Variants in SKAP2 observed in about 807,000 individuals in gnomAD.
SKAP2 encodes the protein src kinase-associated phosphoprotein 2.
SKAP2 carries 28 observed loss-of-function variants against 54.9 expected under a neutral mutation model. The ratio of observed to expected loss-of-function variants is 0.51; its 90% CI spans 0.38 to 0.70. The LOEUF (loss-of-function observed/expected upper bound fraction) is 0.70. Ranked by LOEUF, SKAP2 falls within the 30% of genes least tolerant of loss-of-function variation. The probability of loss-of-function intolerance (pLI) is 0.00; values close to 1 mark genes in which losing one functional copy is unlikely to be tolerated. For synonymous variants in SKAP2, 137 were observed against 134.3 expected (o/e 1.02, Z -0.14); for missense variants, 356 against 424.1 (o/e 0.84, Z 1.41).
chr7:26,766,133 CTGTCT>C (rs1477579154), intron 4 of SKAP2, among the ~76,000 whole-genome samples: 1 of 152,046 alleles, frequency 6.6e-6, no homozygotes, highest in Non-Finnish European at 1.5e-5. Flanking sequence ...TGTTTGTGTC[CTGTCT>C]TATTTCCTTG....
chr7:26,788,047 T>C (rs1243040227), intron 4 of SKAP2, among the ~76,000 whole-genome samples: 1 of 152,104 alleles, frequency 6.6e-6, no homozygotes, highest in Non-Finnish European at 1.5e-5. Flanking sequence ...CACCACCTCT[T>C]TTCAAACTCC....
chr7:26,742,651 T>C (rs1404832472), intron 4 of SKAP2, among the ~76,000 whole-genome samples: 1 of 152,190 alleles, frequency 6.6e-6, no homozygotes, highest in African/African-American at 2.4e-5. Context: ...TTTTTTTAAC[T>C]GAAATTTCAT....
chr7:26,666,206 CTGATT>C (rs2128082195), downstream of SKAP2, among the ~76,000 whole-genome samples: 1 of 152,190 alleles, frequency 6.6e-6, no homozygotes, highest in African/African-American at 2.4e-5. Flanking sequence ...ATACAAATGA[CTGATT>C]TATCTGAAAT....
intron 4 of SKAP2, among the ~76,000 whole-genome samples, chr7:26,777,498 C>A (rs1384759965): frequency 6.6e-6 from 1 of 152,034 alleles, no homozygotes; most frequent in Non-Finnish European, 1.5e-5. Context: ...TAGTTTTAAT[C>A]TTCTGTCAAT....
chr7:26,731,369 CTACAACT>C (rs1696097611), intron 6 of SKAP2, among the ~76,000 whole-genome samples: 2 of 152,204 alleles, frequency 1.3e-5, no homozygotes, highest in Admixed American at 1.3e-4. Flanking sequence ...GCATTTCGTC[CTACAACT>C]TAGGTCAAAC....
intron 6 of SKAP2, among the ~76,000 whole-genome samples, chr7:26,731,156 A>C (rs1182909425): frequency 6.6e-6 from 1 of 152,098 alleles, no homozygotes. Context: ...TTTAAGAATC[A>C]CCTATGTTAG....
At chr7:26,805,611 G>A (rs1784010039) in intron 4 of SKAP2, among the ~76,000 whole-genome samples, 1 of 152,142 alleles carries the variant, frequency 6.6e-6, no homozygotes, top group South Asian at 2.1e-4. Context: ...AAGGGACCAA[G>A]GCCTCCTGAC....
chr7:26,669,846 G>A (rs1435340446), intron 12 of SKAP2, among the ~76,000 whole-genome samples, 190 bp from the exon 13 acceptor site: 1 of 151,950 alleles, frequency 6.6e-6, no homozygotes, highest in African/African-American at 2.4e-5. Context: ...GAAAACAGCT[G>A]GTTACTATCA....
At chr7:26,837,973 T>C (rs1784748629) in intron 4 of SKAP2, among the ~76,000 whole-genome samples, 1 of 152,220 alleles carries the variant, frequency 6.6e-6, no homozygotes, top group African/African-American at 2.4e-5. Context: ...TATGTAGCTA[T>C]ATGCCATTGG....
intron 4 of SKAP2, among the ~76,000 whole-genome samples, chr7:26,831,008 T>C (rs1292578125): frequency 6.6e-6 from 1 of 152,222 alleles, no homozygotes; most frequent in Non-Finnish European, 1.5e-5. Flanking sequence ...ATGAGAATTA[T>C]GAGGTTTTGA....
intron 1 of SKAP2, among the ~76,000 whole-genome samples, chr7:26,863,854 GA>G (rs896189402): frequency 2.0e-5 from 3 of 152,054 alleles, no homozygotes; most frequent in Non-Finnish European, 4.4e-5. Flanking sequence ...GGGAGTTTTA[GA>G]AATGACAAAC....
chr7:26,789,939 C>T (rs1783640234), intron 4 of SKAP2, among the ~76,000 whole-genome samples: 1 of 152,154 alleles, frequency 6.6e-6, no homozygotes, highest in South Asian at 2.1e-4. Flanking sequence ...CTATTAATCA[C>T]TCTGCAAGCC....
intron 6 of SKAP2, among the ~76,000 whole-genome samples, chr7:26,736,501 A>C (rs1239094403): frequency 1.3e-5 from 2 of 152,242 alleles, no homozygotes; most frequent in East Asian, 3.8e-4. Context: ...TGAATAATCC[A>C]CTGCCTGTTT....
intron 4 of SKAP2, among the ~76,000 whole-genome samples, chr7:26,840,334 AAT>A (rs1784795298): frequency 6.6e-6 from 1 of 152,122 alleles, no homozygotes; most frequent in South Asian, 2.1e-4. Context: ...GGGCAGAGCC[AAT>A]ATATGTCTTC....
At chr7:26,727,171 A>G (rs745779141) in intron 6 of SKAP2, among the ~76,000 whole-genome samples, 165 bp from the exon 7 acceptor site, 28 of 152,132 alleles carry the variant, frequency 1.8e-4, no homozygotes, top group Non-Finnish European at 3.8e-4. Flanking sequence ...TTTAATTCTG[A>G]AACATGGAAG....
intron 11 of SKAP2, among the ~76,000 whole-genome samples, chr7:26,673,556 T>C (rs528366046): frequency 1.3e-5 from 2 of 152,084 alleles, no homozygotes; most frequent in South Asian, 4.2e-4. Context: ...GATCCAGAGG[T>C]GTAGTGATGC....
chr7:26,813,988 A>ATGAGC (rs1257773234), intron 4 of SKAP2, among the ~76,000 whole-genome samples: 1 of 152,190 alleles, frequency 6.6e-6, no homozygotes, highest in Non-Finnish European at 1.5e-5. Context: ...GCAAATTCTC[A>ATGAGC]TGAGCTGGCA....
chr7:26,854,580 A>G (rs1785120093), intron 2 of SKAP2, among the ~76,000 whole-genome samples: 1 of 152,106 alleles, frequency 6.6e-6, no homozygotes, highest in Non-Finnish European at 1.5e-5. Context: ...AGAAAAATAC[A>G]TAATCAAGAA....
intron 4 of SKAP2, among the ~76,000 whole-genome samples, chr7:26,779,159 A>C (rs10270501): frequency 0.036 from 5,498 of 152,118 alleles, 327 homozygotes; most frequent in African/African-American, 0.12. Flanking sequence ...TTCCATAAAA[A>C]TGTCTGATGG....
Sources: allele counts gnomAD v4.1 joint callset (sites outside exome capture counted in the v4.1 genomes callset), GRCh38; gene constraint gnomAD v4.1.1; transcripts MANE v1.5; gene names NCBI Gene and HGNC (gene_info 2026-07-23, HGNC 2026-07-21).